The following LRFN5 variants were observed in gnomAD, a reference collection of about 807,000 sequenced individuals.
LRFN5 encodes the protein leucine-rich repeat and fibronectin type-III domain-containing protein 5.
LRFN5 carries 24 observed loss-of-function variants against 45.6 expected under a neutral mutation model. That is an observed-to-expected ratio of 0.53 (90% CI 0.38 to 0.74). The LOEUF is 0.74. Ranked by LOEUF, LRFN5 falls within the 30% of genes least tolerant of loss-of-function variation. LRFN5 has a pLI of 0.00. For synonymous variants in LRFN5, 340 were observed against 313.8 expected (o/e 1.08, Z -0.88); for missense variants, 776 against 861.5 (o/e 0.90, Z 1.24).
At chr14:41,893,604 G>A (rs961521500) in intron 4 of LRFN5, 18 of 985,098 alleles carry the variant, frequency 1.8e-5, no homozygotes, top group South Asian at 9.4e-5. Flanking sequence ...ATGTGGAATC[G>A]TTAATTTCCT....
chr14:41,612,931 T>G (rs1887805192), intron 1 of LRFN5, among the ~76,000 whole-genome samples: 1 of 151,430 alleles, frequency 6.6e-6, no homozygotes, highest in Admixed American at 6.6e-5. Flanking sequence ...CATATTGTTG[T>G]GAAAGATACT....
chr14:41,694,605 A>C (rs1332573418), intron 1 of LRFN5, among the ~76,000 whole-genome samples: 1 of 151,904 alleles, frequency 6.6e-6, no homozygotes, highest in Non-Finnish European at 1.5e-5. Context: ...TGTGTTTCAC[A>C]GATATTCTTT....
At chr14:41,858,246 G>A (rs1272678646) in intron 2 of LRFN5, among the ~76,000 whole-genome samples, 1 of 152,030 alleles carries the variant, frequency 6.6e-6, no homozygotes, top group East Asian at 1.9e-4. Flanking sequence ...AGGGCCTATC[G>A]TAACCCTTTA....
At chr14:41,760,901 A>G (rs905872328) in intron 1 of LRFN5, among the ~76,000 whole-genome samples, 1 of 152,128 alleles carries the variant, frequency 6.6e-6, no homozygotes, top group African/African-American at 2.4e-5. Flanking sequence ...GAGATTTGCT[A>G]TTATCCAATA....
intron 1 of LRFN5, among the ~76,000 whole-genome samples, chr14:41,647,102 T>C (rs911050105): frequency 6.6e-6 from 1 of 152,220 alleles, no homozygotes; most frequent in African/African-American, 2.4e-5. Flanking sequence ...CCAAGTCTTA[T>C]CAAGTTCCCC....
At chr14:41,844,380 T>C (rs1401210940) in intron 2 of LRFN5, among the ~76,000 whole-genome samples, 1 of 149,410 alleles carries the variant, frequency 6.7e-6, no homozygotes, top group East Asian at 2.0e-4. Context: ...GAGCTTGCAG[T>C]GAGCGGAGAT....
Position 41,637,050 on chromosome 14 carries a change from A to C in LRFN5, c.-197+28488A>C, listed in dbSNP as rs553252289. Among the ~76,000 whole-genome samples the C allele has an allele frequency of 5.6e-4, 86 of 152,288 alleles. No homozygotes were observed. The South Asian group carries it at 0.017, about 30-fold the overall frequency. On this transcript the variant is annotated intron_variant, in intron 1 of 5. Transcript: ENST00000298119. Reference sequence around the variant, plus strand: ...TCTAACTCAAGATGTTACATTCCACAAGAGAGACATGAACAAGGCTTGAAC... The same window carrying C: ...TCTAACTCAAGATGTTACATTCCACCAGAGAGACATGAACAAGGCTTGAAC...
rs180967134 is a variant in LRFN5 at position 41,843,373 on chromosome 14, C to T, written c.-20-43233C>T. Among the ~76,000 whole-genome samples the T allele has an allele frequency of 2.3e-3, 354 of 151,996 alleles. 1 individual carries two copies. The highest frequency in any genetic ancestry group is 3.2e-3 in the Non-Finnish European group (220 of 67,970). On this transcript the variant is annotated intron_variant, in intron 2 of 5. Transcript: ENST00000298119. ...GCTCTCGAAGTGCTGGGATTTCATA[C>T]GTGAGAAAAACATTCTTAATGATAT...
intron 1 of LRFN5, among the ~76,000 whole-genome samples, chr14:41,671,214 A>G (rs531736325): frequency 1.3e-4 from 20 of 152,284 alleles, no homozygotes; most frequent in South Asian, 1.2e-3. Flanking sequence ...TTTAAAAAGA[A>G]ATTAAGTTCT....
intron 2 of LRFN5, among the ~76,000 whole-genome samples, chr14:41,875,257 A>G (rs2139126405): frequency 6.6e-6 from 1 of 152,368 alleles, no homozygotes; most frequent in Non-Finnish European, 1.5e-5. Flanking sequence ...AATGCTCATG[A>G]ACAACAAAAA....
chr14:41,799,455 C>T (rs1273030816), intron 2 of LRFN5, among the ~76,000 whole-genome samples: 4 of 151,812 alleles, frequency 2.6e-5, no homozygotes, highest in Non-Finnish European at 5.9e-5. Context: ...TTCACTTCTC[C>T]TTTCCCTCAT....
At chr14:41,854,128 A>G (rs1035203111) in intron 2 of LRFN5, among the ~76,000 whole-genome samples, 2 of 152,134 alleles carry the variant, frequency 1.3e-5, no homozygotes, top group Admixed American at 6.5e-5. Flanking sequence ...TTTGTGTGCT[A>G]TTAGAAATGA....
chr14:41,829,852 T>A (rs762686576), intron 2 of LRFN5, among the ~76,000 whole-genome samples: 14 of 151,754 alleles, frequency 9.2e-5, no homozygotes, highest in Admixed American at 2.6e-4. Context: ...TTTCTCAAAT[T>A]ATTTTCTTTG....
At chr14:41,881,189 A>G (rs915033738) in intron 2 of LRFN5, among the ~76,000 whole-genome samples, 20 of 151,992 alleles carry the variant, frequency 1.3e-4, no homozygotes, top group African/African-American at 4.1e-4. Flanking sequence ...TTTTCCTTCT[A>G]TACTGGTGAA....
At chr14:41,644,833 G>C (rs563647151) in intron 1 of LRFN5, among the ~76,000 whole-genome samples, 1 of 152,208 alleles carries the variant, frequency 6.6e-6, no homozygotes, top group South Asian at 2.1e-4. Context: ...TGAAGATGTG[G>C]GTTTCTCTTC....
At chr14:41,764,943 A>G (rs1885817988) in intron 1 of LRFN5, among the ~76,000 whole-genome samples, 1 of 152,126 alleles carries the variant, frequency 6.6e-6, no homozygotes, top group African/African-American at 2.4e-5. Flanking sequence ...TTTTTCAGTT[A>G]AGATACTTTA....
chr14:41,640,674 T>A (rs1425067175), intron 1 of LRFN5, among the ~76,000 whole-genome samples: 1 of 152,174 alleles, frequency 6.6e-6, no homozygotes, highest in East Asian at 1.9e-4. Context: ...AACTTGTATC[T>A]GGATATTAGA....
At chr14:41,867,648 C>T (rs1889884036) in intron 2 of LRFN5, among the ~76,000 whole-genome samples, 2 of 152,072 alleles carry the variant, frequency 1.3e-5, no homozygotes, top group African/African-American at 4.8e-5. Flanking sequence ...CACAGCAGAT[C>T]TCCATATTAC....
At chr14:41,748,858 C>G (rs1885020752) in intron 1 of LRFN5, among the ~76,000 whole-genome samples, 1 of 151,628 alleles carries the variant, frequency 6.6e-6, no homozygotes. Context: ...ATGACCTACT[C>G]TATTTTCTGC....
Sources: allele counts gnomAD v4.1 joint callset (sites outside exome capture counted in the v4.1 genomes callset), GRCh38; gene constraint gnomAD v4.1.1; transcripts MANE v1.5; gene names NCBI Gene and HGNC (gene_info 2026-07-23, HGNC 2026-07-21).